Variants in FTO observed in about 807,000 individuals in gnomAD.
FTO encodes alpha-ketoglutarate-dependent dioxygenase FTO.
In FTO, 47 loss-of-function variants were observed where a neutral mutation model predicts 63.9. The observed-to-expected ratio is 0.74, with a 90% CI of 0.58 to 0.94. The LOEUF is 0.94. FTO is among the 40% of genes least tolerant of loss of function. The probability of loss-of-function intolerance (pLI) is 0.00; values close to 1 mark genes in which losing one functional copy is unlikely to be tolerated. For synonymous variants in FTO, 207 were observed against 224.4 expected, an observed-to-expected ratio of 0.92 and a Z score of 0.69; for missense variants, 562 against 618.1, an observed-to-expected ratio of 0.91 and a Z score of 0.96.
At chr16:53,716,067 G>A (rs1169705636) in intron 1 of FTO, among the ~76,000 whole-genome samples, 1 of 152,128 alleles carries the variant, frequency 6.6e-6, no homozygotes, top group Non-Finnish European at 1.5e-5. Flanking sequence ...TACTTCTTGG[G>A]AGCATGGGCG....
chr16:53,944,043 G>A (rs1197031045), intron 8 of FTO, among the ~76,000 whole-genome samples: 1 of 152,134 alleles, frequency 6.6e-6, no homozygotes, highest in East Asian at 1.9e-4. Context: ...ATAGGTGTTG[G>A]GGGATTACCT....
chr16:53,897,606 A>G (rs767374341), intron 7 of FTO, among the ~76,000 whole-genome samples: 2 of 152,182 alleles, frequency 1.3e-5, no homozygotes, highest in Non-Finnish European at 2.9e-5. Flanking sequence ...ATTTTACTTG[A>G]TGACATAAAC....
chr16:54,066,476 A>G (rs563052076), intron 8 of FTO, among the ~76,000 whole-genome samples: 1 of 152,338 alleles, frequency 6.6e-6, no homozygotes, highest in African/African-American at 2.4e-5. Flanking sequence ...TATGATTCCA[A>G]ATTCCCATGC....
intron 7 of FTO, among the ~76,000 whole-genome samples, chr16:53,896,536 T>C (rs939625718): frequency 6.6e-6 from 1 of 152,142 alleles, no homozygotes; most frequent in Non-Finnish European, 1.5e-5. Flanking sequence ...ATTATCAAGA[T>C]GTTAGAATCT....
In FTO at chr16:53,909,257, G is replaced by A. The variant is rs116436689; in HGVS notation, c.1239+20306G>A. 3.1e-3 allele frequency among the ~76,000 whole-genome samples: 471 copies of A among 152,254 alleles called. 1 individual carries two copies. Among genetic ancestry groups the A allele is most frequent in the African/African-American group, 0.011 (457 of 41,550 alleles). ...AATTTTTTTAAAGGTTTAAGGTGTCGAACATTTGAGAAAACAGAGTTGCTG... is the reference window on the plus strand; with the variant it reads ...AATTTTTTTAAAGGTTTAAGGTGTCAAACATTTGAGAAAACAGAGTTGCTG... On this transcript the variant is annotated intron_variant, in intron 7 of 8. Transcript: ENST00000471389.
chr16:54,068,998 C>A (rs953281273), intron 8 of FTO, among the ~76,000 whole-genome samples: 1 of 152,162 alleles, frequency 6.6e-6, no homozygotes, highest in African/African-American at 2.4e-5. Flanking sequence ...GAATATCAAC[C>A]ATATATATTT....
At chr16:53,828,440 C>A (rs1041719538) in intron 3 of FTO, among the ~76,000 whole-genome samples, 3 of 152,118 alleles carry the variant, frequency 2.0e-5, no homozygotes, top group African/African-American at 7.2e-5. Context: ...ATCTTCTGAT[C>A]TCATGATCCG....
chr16:53,958,179 C>T (rs1022985566), intron 8 of FTO, among the ~76,000 whole-genome samples: 2 of 152,156 alleles, frequency 1.3e-5, no homozygotes, highest in African/African-American at 2.4e-5. Context: ...ATAGGGCATG[C>T]GTGGCCATTT....
At chr16:53,743,478 G>T (rs1029927085) in intron 1 of FTO, among the ~76,000 whole-genome samples, 2 of 150,800 alleles carry the variant, frequency 1.3e-5, no homozygotes, top group African/African-American at 4.9e-5. Context: ...TGATGTTTAG[G>T]TAACAGATCT....
Position 53,905,051 on chromosome 16 carries a change from A to T in FTO, c.1239+16100A>T, listed in dbSNP as rs566593286. Among the ~76,000 whole-genome samples the T allele has an allele frequency of 3.3e-5, 5 of 152,096 alleles. No individual in the cohort carries two copies. The East Asian group carries it at 9.7e-4, about 30-fold the overall frequency. On this transcript the variant is annotated intron_variant, in intron 7 of 8. Coordinates refer to ENST00000471389, the MANE Select transcript of FTO (RefSeq NM_001080432.3). The stretch of plus-strand genomic sequence containing the variant: ...CGAAAAGAGATCTCAGCAGGGGAGG[A>T]GAGCTTTCTTTGACCCCTTACTATA...
chr16:53,899,350 T>C (rs1047700602), intron 7 of FTO, among the ~76,000 whole-genome samples: 2 of 152,160 alleles, frequency 1.3e-5, no homozygotes, highest in African/African-American at 2.4e-5. Context: ...ATTTTAGATT[T>C]CCCTCTTCTG....
At chr16:53,933,161 G>A (rs1301379019) in intron 7 of FTO, among the ~76,000 whole-genome samples, 1 of 152,210 alleles carries the variant, frequency 6.6e-6, no homozygotes, top group Non-Finnish European at 1.5e-5. Flanking sequence ...AGTGTTTCAA[G>A]TTACAGGAGA....
chr16:53,729,837 C>T (rs888280816), intron 1 of FTO, among the ~76,000 whole-genome samples: 1 of 152,206 alleles, frequency 6.6e-6, no homozygotes, highest in African/African-American at 2.4e-5. Flanking sequence ...TCTTCTGAGA[C>T]TTCTGTGATT....
chr16:54,009,760 G>A (rs546763830), intron 8 of FTO, among the ~76,000 whole-genome samples: 4 of 152,172 alleles, frequency 2.6e-5, no homozygotes, highest in East Asian at 3.9e-4. Context: ...TCCAAGATAC[G>A]CATCTGGCTT....
At chr16:53,897,131 A>T (rs747786998) in intron 7 of FTO, among the ~76,000 whole-genome samples, 4 of 152,066 alleles carry the variant, frequency 2.6e-5, no homozygotes, top group Non-Finnish European at 4.4e-5. Flanking sequence ...GATCTCTGTG[A>T]TTATTTGTAG....
chr16:53,873,754 G>T, intron 4 of FTO, 32 bp from the exon 5 acceptor site: 1 of 1,532,432 alleles, frequency 6.5e-7, no homozygotes, highest in Non-Finnish European at 9.0e-7. Flanking sequence ...TAATAAATAT[G>T]GTTTTATACA....
At chr16:53,754,477 A>C (rs1229385906) in intron 1 of FTO, among the ~76,000 whole-genome samples, 1 of 152,192 alleles carries the variant, frequency 6.6e-6, no homozygotes, top group African/African-American at 2.4e-5. Flanking sequence ...ATCTCTACTA[A>C]AAATGCAAAA....
chr16:54,086,309 T>G (rs2086253958), intron 8 of FTO, among the ~76,000 whole-genome samples: 1 of 152,204 alleles, frequency 6.6e-6, no homozygotes, highest in African/African-American at 2.4e-5. Flanking sequence ...GCCCATTCCA[T>G]CTGCATATAA....
intron 8 of FTO, among the ~76,000 whole-genome samples, chr16:53,941,473 T>C (rs1330158236): frequency 6.6e-6 from 1 of 152,240 alleles, no homozygotes; most frequent in Non-Finnish European, 1.5e-5. Context: ...TGGACTTGAT[T>C]CTGTGTTTAC....
Sources: gnomAD v4.1 joint callset for allele counts (sites outside exome capture counted in the v4.1 genomes callset) on GRCh38, gnomAD v4.1.1 for gene constraint, MANE v1.5 for transcripts, NCBI Gene and HGNC (gene_info 2026-07-23, HGNC 2026-07-21) for gene names.